CDKL5: variants seen among roughly 807,000 people sequenced by gnomAD.
CDKL5 encodes cyclin-dependent kinase-like 5.
In CDKL5, 8 loss-of-function variants were observed where a neutral mutation model predicts 61.7. That is an observed-to-expected ratio of 0.13 (90% CI 0.08 to 0.23). The LOEUF (loss-of-function observed/expected upper bound fraction) is 0.23, where lower values mean the gene tolerates loss of function less well. CDKL5 is among the 10% of genes least tolerant of loss of function. CDKL5 has a pLI of 1.00. For missense variants in CDKL5, 440 were observed against 734.5 expected (o/e 0.60, Z 4.63); for synonymous variants, 275 against 272.3 (o/e 1.01, Z -0.10).
intron 3 of CDKL5, 132 bp downstream of exon 3, chrX:18,510,986 T>TA: frequency 2.1e-6 from 1 of 479,058 alleles, no homozygotes. Flanking sequence ...CAGAAATGTT[T>TA]TGGATTTTTT....
intron 14 of CDKL5, among the ~76,000 whole-genome samples, chrX:18,612,091 T>A (rs1484101376): frequency 8.9e-6 from 1 of 112,267 alleles, no homozygotes; most frequent in African/African-American, 3.2e-5. Flanking sequence ...AAGTATTTAT[T>A]CACATACATT....
intron 3 of CDKL5, among the ~76,000 whole-genome samples, chrX:18,530,437 A>C (rs1923604471): frequency 9.0e-6 from 1 of 110,771 alleles, no homozygotes; most frequent in African/African-American, 3.3e-5. Flanking sequence ...TTTTTTGCTC[A>C]GCCGTGTCCA....
At chrX:18,599,823 T>G (rs911162913) in intron 11 of CDKL5, among the ~76,000 whole-genome samples, 1 of 111,919 alleles carries the variant, frequency 8.9e-6, no homozygotes, top group Non-Finnish European at 1.9e-5. Flanking sequence ...CCCCAAATTT[T>G]CCATCCATAT....
chrX:18,575,773 G>A (rs1473655120), intron 5 of CDKL5, among the ~76,000 whole-genome samples: 1 of 112,134 alleles, frequency 8.9e-6, no homozygotes, highest in Non-Finnish European at 1.9e-5. Context: ...TTTTAGACTT[G>A]ACTTAACTAA....
At chrX:18,526,049 C>A (rs1010297505) in intron 3 of CDKL5, among the ~76,000 whole-genome samples, 6 of 112,328 alleles carry the variant, frequency 5.3e-5, no homozygotes, top group African/African-American at 1.3e-4. Flanking sequence ...ACCCGGCCAA[C>A]AATATTGAGT....
intron 1 of CDKL5, among the ~76,000 whole-genome samples, chrX:18,436,780 C>T (rs1048451023): frequency 3.7e-5 from 4 of 106,974 alleles, no homozygotes; most frequent in Non-Finnish European, 7.7e-5. Context: ...TGCCTGTAGT[C>T]CCAGCTACTC....
intron 14 of CDKL5, among the ~76,000 whole-genome samples, chrX:18,610,209 T>C (rs868442060): frequency 6.3e-4 from 70 of 111,313 alleles, no homozygotes; most frequent in African/African-American, 1.8e-3. Flanking sequence ...TGCCATGCTC[T>C]CCAGCCACTT....
rs1926333196 is a variant in CDKL5, at chrX:18,605,520, A to G, written c.1944+652A>G. Among the ~76,000 whole-genome samples, 3 of 111,859 alleles carry G rather than the reference A, an allele frequency of 2.7e-5. No homozygotes were observed. The South Asian group carries it at 1.1e-3, about 42-fold the overall frequency. ...ATTCCTTCACTTGAACCTGGGAGGC[A>G]GAGGCTGCAGTGAGCCAAGATCACA... On this transcript the variant is annotated intron_variant, in intron 12 of 17. Coordinates refer to ENST00000623535, the MANE Select transcript of CDKL5 (RefSeq NM_001323289.2).
chrX:18,651,204 G>T (rs1182911159), intron 21 of CDKL5, among the ~76,000 whole-genome samples: 1 of 87,885 alleles, frequency 1.1e-5, no homozygotes, highest in African/African-American at 4.5e-5. Flanking sequence ...GGCTGTCCTT[G>T]CCCCAGGCAG....
At chrX:18,449,918 C>T (rs1422931440) in intron 1 of CDKL5, among the ~76,000 whole-genome samples, 1 of 111,201 alleles carries the variant, frequency 9.0e-6, no homozygotes, top group Non-Finnish European at 1.9e-5. Context: ...CCTCGGCCTT[C>T]CGAGTAGCTG....
At chrX:18,572,679 G>A (rs754193094) in intron 4 of CDKL5, among the ~76,000 whole-genome samples, 7 of 112,117 alleles carry the variant, frequency 6.2e-5, no homozygotes, top group Non-Finnish European at 1.1e-4. Context: ...TTGCCCTCCC[G>A]TTGCTGTGGC....
intron 21 of CDKL5, among the ~76,000 whole-genome samples, chrX:18,651,251 G>A (rs1294960738): frequency 5.0e-5 from 5 of 99,764 alleles, no homozygotes; most frequent in Non-Finnish European, 1.0e-4. Context: ...GTGTGTGTGT[G>A]TGTGTGTGTG....
rs138125282 is a variant in CDKL5, at chrX:18,579,856, C to G, written c.291C>G (p.Leu97=). The G allele has an allele frequency of 3.3e-6, 4 of 1,206,725 alleles. No homozygotes were observed. Among genetic ancestry groups the G allele is most frequent in the Non-Finnish European group, 3.4e-6 (3 of 891,645 alleles). Residue 97 remains leucine (L), a synonymous_variant, in exon 6 of 18, where the codon CTC becomes CTG. Transcript: ENST00000623535. The part of the protein sequence containing the change: ...LVFEYVEKNM[L]ELLEEMPNGV... ...CTCTATTTAATTTTTAGAATATGCTCGAATTGCTGGAAGAAATGCCAAATG... is the reference window on the plus strand; with the variant it reads ...CTCTATTTAATTTTTAGAATATGCTGGAATTGCTGGAAGAAATGCCAAATG...
chrX:18,460,978 A>G (rs937045411), intron 1 of CDKL5, among the ~76,000 whole-genome samples: 17 of 112,337 alleles, frequency 1.5e-4, no homozygotes, highest in Non-Finnish European at 2.8e-4. Flanking sequence ...TATTTTGGTG[A>G]ACCATTCGTT....
chrX:18,624,028 T>C (rs747925244), intron 16 of CDKL5: 1 of 736,686 alleles, frequency 1.4e-6, no homozygotes, highest in Non-Finnish European at 1.6e-6. Context: ...ATGGTAGCCC[T>C]GAAAACTGCT....
At chrX:18,466,145 T>A (rs190481170) in intron 1 of CDKL5, among the ~76,000 whole-genome samples, 309 of 111,781 alleles carry the variant, frequency 2.8e-3, no homozygotes, top group Non-Finnish European at 2.6e-3. Context: ...TCTAGATTTC[T>A]ACCTGTTCTC....
Position 18,587,930 on chromosome X carries a change from ATAATCTCTTCC to A in CDKL5, c.555-22_555-12del. The A allele has an allele frequency of 1.7e-6, 2 of 1,196,715 alleles. No homozygotes were observed. Among genetic ancestry groups the A allele is most frequent in the Non-Finnish European group, 2.3e-6 (2 of 881,885 alleles). On this transcript the variant is annotated splice_polypyrimidine_tract_variant and intron_variant, in intron 8 of 17. Coordinates refer to ENST00000623535, the MANE Select transcript of CDKL5 (RefSeq NM_001323289.2). ...ACATTATATTTTTTCAGTTGCCAAA[ATAATCTCTTCC>A]TTTATTTTTCAGCGCTCCCTATGGA...
chrX:18,596,860 G>T (rs986376011), intron 10 of CDKL5, among the ~76,000 whole-genome samples: 2 of 112,276 alleles, frequency 1.8e-5, no homozygotes, highest in Non-Finnish European at 3.8e-5. Flanking sequence ...AATAAAAGTA[G>T]AAAGATTACC....
At chrX:18,505,094 A>T (rs1381886992) in intron 1 of CDKL5, among the ~76,000 whole-genome samples, 2 of 111,732 alleles carry the variant, frequency 1.8e-5, no homozygotes, top group Non-Finnish European at 3.8e-5. Context: ...AAAATATTTC[A>T]GATTTAGAGA....
Sources: allele counts gnomAD v4.1 joint callset (sites outside exome capture counted in the v4.1 genomes callset), GRCh38; gene constraint gnomAD v4.1.1; transcripts MANE v1.5; gene names NCBI Gene and HGNC (gene_info 2026-07-23, HGNC 2026-07-21).